Variants in COL6A3 observed in about 807,000 individuals in gnomAD.
COL6A3 encodes collagen alpha-3(VI) chain.
Under a neutral mutation model 274.1 loss-of-function variants are expected in COL6A3, and 137 were observed. That is an observed-to-expected ratio of 0.50 (90% confidence interval 0.44 to 0.58). COL6A3 has a LOEUF of 0.58. Among genes scored for constraint, COL6A3 ranks in the 20% least tolerant of loss-of-function variants. The pLI, the probability that COL6A3 is intolerant of heterozygous loss-of-function variation, is 0.00. For missense variants in COL6A3, 3,950 were observed against 4,124.9 expected, an observed-to-expected ratio of 0.96 and a Z score of 1.16; for synonymous variants, 1,650 against 1,650.6, an observed-to-expected ratio of 1.00 and a Z score of 0.01.
intron 42 of COL6A3, chr2:237,326,503 G>T (rs1470586044): frequency 6.6e-6 from 1 of 152,214 alleles, no homozygotes; most frequent in African/African-American, 2.4e-5. Context: ...CGCCTGGAGA[G>T]AAGAGTTTAC....
In COL6A3 at chr2:237,324,099, C is replaced by T. The variant is rs1156752607; in HGVS notation, c.*675G>A. The T allele has an allele frequency of 6.6e-6, 1 of 151,648 alleles. No individual in the cohort carries two copies. The highest frequency in any genetic ancestry group is 1.5e-5 in the Non-Finnish European group (1 of 67,946). 9.4% of individuals were successfully genotyped at this position (151,648 alleles called of 1,614,324 possible). On this transcript the variant is annotated 3_prime_UTR_variant, in exon 44 of 44. Coordinates refer to ENST00000295550, the MANE Select transcript of COL6A3 (RefSeq NM_004369.4). ...AAAATTAAAATTAAATCCCCTCCCT[C>T]CAGCACACACAAAAAAAAAACACAC...
In COL6A3 at chr2:237,363,349, C is replaced by T. The variant is rs1230970819; in HGVS notation, c.5967G>A (p.Glu1989=). ...LVGLERVVNL[E]RLMHLEFGRG... is the part of the protein sequence containing the mutation. ...GCCCAAACTCCAGATGCATTAGCCG[C>T]TCCAAGTTGACCACTCGTTCAAGGC... Residue 1989 remains glutamate, a synonymous_variant, in exon 14 of 44, where the codon GAG becomes GAA. Coordinates refer to ENST00000295550, the MANE Select transcript of COL6A3 (RefSeq NM_004369.4). 2 of 1,614,164 alleles carry T rather than the reference C, an allele frequency of 1.2e-6. No homozygotes were observed. The highest frequency in any genetic ancestry group is 1.7e-6 in the Non-Finnish European group (2 of 1,180,040).
In COL6A3 at chr2:237,374,266, A is replaced by C; in HGVS notation, c.3679+146T>G. ...TCTGCCCATCGAGGCCAAAAAGGGCATGTGGGTTCCTAAATTTTCCTGTAA... is the reference window on the plus strand; with the variant it reads ...TCTGCCCATCGAGGCCAAAAAGGGCCTGTGGGTTCCTAAATTTTCCTGTAA... On this transcript the variant is annotated intron_variant, in intron 8 of 43. Transcript: ENST00000295550. The surrounding 1 kb of genome is among the most constrained non-coding windows in gnomAD (Gnocchi z 4.8). The C allele has an allele frequency of 9.0e-7, 1 of 1,116,392 alleles. No individual in the cohort carries two copies. Among genetic ancestry groups the C allele is most frequent in the East Asian group, 2.4e-5 (1 of 42,042 alleles). 69.2% of individuals were successfully genotyped at this position (1,116,392 alleles called of 1,614,324 possible). A position where few individuals can be genotyped will look rare whatever the true frequency, so the allele number is the denominator to read the frequency against.
In COL6A3 at chr2:237,332,117, A is replaced by ATGTGTGTG. The variant is rs749883512; in HGVS notation, c.9328+1332_9328+1333insCACACACA. ...TATATATATATATATATATATATAT[A>ATGTGTGTG]TGAAAAGAAAAACAAAACAGCCCAG... On this transcript the variant is annotated intron_variant, in intron 42 of 43. Transcript: ENST00000295550. 2.8e-4 allele frequency among the ~76,000 whole-genome samples: 18 copies of ATGTGTGTG among 64,206 alleles called. 2 individuals carry two copies. Among genetic ancestry groups the ATGTGTGTG allele is most frequent in the African/African-American group, 8.6e-4 (18 of 20,894 alleles). The allele number at this position is 64,206 out of a possible 152,430, so 42.1% of individuals were successfully genotyped here. A position where few individuals can be genotyped will look rare whatever the true frequency, so the allele number is the denominator to read the frequency against.
chr2:237,380,830 C>T, intron 5 of COL6A3, 85 bp downstream of exon 5: 1 of 1,258,170 alleles, frequency 7.9e-7, no homozygotes, highest in Non-Finnish European at 1.1e-6. Flanking sequence ...CTTAGCTAAA[C>T]ACAAACACAC....
At chr2:237,352,402 A>G (rs1253829191) in intron 26 of COL6A3, 120 bp downstream of exon 26, 12 of 1,011,426 alleles carry the variant, frequency 1.2e-5, no homozygotes, top group Non-Finnish European at 1.8e-5. Context: ...TTTTGTTGCC[A>G]AAGAGGAGAG....
intron 7 of COL6A3, among the ~76,000 whole-genome samples, chr2:237,376,501 T>G (rs747882488): frequency 6.6e-6 from 1 of 152,208 alleles, no homozygotes; most frequent in Non-Finnish European, 1.5e-5. Context: ...ACCACTGATA[T>G]CTAAATCTTT....
chr2:237,396,524 T>C (rs1042469537), intron 2 of COL6A3, among the ~76,000 whole-genome samples: 1 of 152,174 alleles, frequency 6.6e-6, no homozygotes, highest in Non-Finnish European at 1.5e-5. Flanking sequence ...CAAGTTTTAA[T>C]AAAAATAGGT....
At chr2:237,409,251 T>C (rs2078794613) in intron 1 of COL6A3, among the ~76,000 whole-genome samples, 1 of 152,190 alleles carries the variant, frequency 6.6e-6, no homozygotes, top group African/African-American at 2.4e-5. Context: ...GGCTATGTCT[T>C]AGTCATTTTT....
chr2:237,374,793 G>C lies in COL6A3; in HGVS notation c.3298C>G (p.Leu1100Val). 10 of 1,614,092 alleles carry C rather than the reference G, an allele frequency of 6.2e-6. No homozygotes were observed. Among genetic ancestry groups the C allele is most frequent in the Non-Finnish European group, 8.5e-6 (10 of 1,180,020 alleles). ...DVVNAVRQLTLLGGPTPNTGA... is the reference protein window; with the variant it reads ...DVVNAVRQLTVLGGPTPNTGA... Reference sequence around the variant, plus strand: ...GTGTTGGGGGTCGGCCCTCCCAGCAGGGTCAGCTGGCGGACAGCGTTGACG... The same window carrying C: ...GTGTTGGGGGTCGGCCCTCCCAGCACGGTCAGCTGGCGGACAGCGTTGACG... The change falls in exon 8 of 44, where the codon CTG (leucine) becomes GTG (valine). Residue 1100 changes from leucine (L) to valine (V), a missense_variant. Leu to Val is a conservative substitution (Grantham distance 32, BLOSUM62 1). Around this residue, in one of 5 missense-constraint regions of COL6A3, gnomAD observed 1,934 missense variants for 1,984.3 expected, o/e 0.97. Coordinates refer to ENST00000295550, the MANE Select transcript of COL6A3 (RefSeq NM_004369.4). This position sits in a 1 kb window ranked among gnomAD's most constrained non-coding sequence, Gnocchi z 4.8.
At chr2:237,363,145 C>G in intron 14 of COL6A3, 108 bp downstream of exon 14, 1 of 887,718 alleles carries the variant, frequency 1.1e-6, no homozygotes, top group East Asian at 3.2e-5. Flanking sequence ...CTACCAAGGC[C>G]CCCCCCCCAC....
chr2:237,393,001 G>A (rs2078331780), intron 3 of COL6A3, among the ~76,000 whole-genome samples: 1 of 152,074 alleles, frequency 6.6e-6, no homozygotes, highest in South Asian at 2.1e-4. Flanking sequence ...TCCGAGACCT[G>A]GCCTCTCATC....
At chr2:237,366,116 C>A in intron 11 of COL6A3, 81 bp from the exon 12 acceptor site, 2 of 1,275,802 alleles carry the variant, frequency 1.6e-6, no homozygotes, top group East Asian at 4.6e-5. Context: ...GTAGGGACAA[C>A]CCAGGCAGAG....
At chr2:237,388,676 C>T (rs2078214083) in intron 3 of COL6A3, among the ~76,000 whole-genome samples, 1 of 152,206 alleles carries the variant, frequency 6.6e-6, no homozygotes, top group African/African-American at 2.4e-5. Context: ...AGCTACAAAA[C>T]AGAGTCACGA....
At chr2:237,412,233 C>T (rs962747988) in intron 1 of COL6A3, among the ~76,000 whole-genome samples, 1 of 152,252 alleles carries the variant, frequency 6.6e-6, no homozygotes, top group Non-Finnish European at 1.5e-5. Flanking sequence ...TCCCCTCCTT[C>T]AGCGCCCTCC....
At chr2:237,360,059 C>A (rs763247909) in intron 17 of COL6A3, 29 bp downstream of exon 17, 2 of 1,612,756 alleles carry the variant, frequency 1.2e-6, no homozygotes, top group African/African-American at 2.7e-5. Context: ...CCCCTCCCCA[C>A]GCTAGCAACC....
intron 4 of COL6A3, among the ~76,000 whole-genome samples, chr2:237,383,328 T>C (rs929632661): frequency 1.3e-5 from 2 of 152,260 alleles, no homozygotes; most frequent in Non-Finnish European, 1.5e-5. Context: ...TAACAATGTG[T>C]GCAGAACATC....
intron 38 of COL6A3, 64 bp from the exon 39 acceptor site, chr2:237,339,181 T>A: frequency 8.6e-7 from 1 of 1,157,950 alleles, no homozygotes. Context: ...TTAAAATTAA[T>A]CTGTCAACAA....
At chr2:237,392,926 G>T (rs1032767731) in intron 3 of COL6A3, among the ~76,000 whole-genome samples, 2 of 152,046 alleles carry the variant, frequency 1.3e-5, no homozygotes, top group Admixed American at 6.6e-5. Context: ...GCCCTCAGAG[G>T]TCTCCCTGTC....
Sources: gnomAD v4.1 joint callset for allele counts (sites outside exome capture counted in the v4.1 genomes callset) on GRCh38, gnomAD v4.1.1 for gene constraint, gnomAD v4.1.1 regional missense constraint, Gnocchi (gnomAD v3.1) non-coding constraint, MANE v1.5 for transcripts, NCBI Gene and HGNC (gene_info 2026-07-23, HGNC 2026-07-21) for gene names.